SYN2: variants seen among roughly 807,000 people sequenced by gnomAD.
SYN2 encodes the protein synapsin II.
In SYN2, 19 loss-of-function variants were observed where a neutral mutation model predicts 50.9. That is an observed-to-expected ratio of 0.37 (90% CI 0.26 to 0.55). SYN2 has a LOEUF of 0.55. Ranked by LOEUF, SYN2 falls within the 20% of genes least tolerant of loss-of-function variation. SYN2 has a pLI of 0.81. For missense variants in SYN2, 587 were observed against 576.4 expected, an observed-to-expected ratio of 1.02 and a Z score of -0.19; for synonymous variants, 255 against 224.9, an observed-to-expected ratio of 1.13 and a Z score of -1.20.
intron 1 of SYN2, among the ~76,000 whole-genome samples, chr3:12,119,117 C>T (rs58313189): frequency 0.079 from 12,083 of 152,068 alleles, 589 homozygotes; most frequent in African/African-American, 0.13. Flanking sequence ...TCATTCCTGT[C>T]CTCACTATAT....
chr3:12,025,778 C>G (rs920598575), intron 1 of SYN2, among the ~76,000 whole-genome samples: 5 of 152,168 alleles, frequency 3.3e-5, no homozygotes, highest in Non-Finnish European at 7.3e-5. Flanking sequence ...CCAGGCACCT[C>G]CCCCTACCCT....
intron 1 of SYN2, among the ~76,000 whole-genome samples, chr3:12,136,848 A>ACT (rs756379171): frequency 3.9e-5 from 6 of 152,242 alleles, no homozygotes; most frequent in Admixed American, 2.0e-4. Flanking sequence ...CACAGGCACT[A>ACT]CAGATATTTT....
rs1404984086 is a variant in SYN2, at chr3:12,004,443, A to G, written c.-109A>G. On this transcript the variant is annotated 5_prime_UTR_variant, in exon 1 of 13. Transcript: ENST00000621198. Reference sequence around the variant, plus strand: ...GCCGGGGCCTGAGTCTCTGCTGGCTAAGCCGCCGCCTCAGCCGCCTCAGTC... The same window carrying G: ...GCCGGGGCCTGAGTCTCTGCTGGCTGAGCCGCCGCCTCAGCCGCCTCAGTC... 6.7e-6 allele frequency: 2 copies of G among 298,424 alleles called. No individual in the cohort carries two copies. Among genetic ancestry groups the G allele is most frequent in the Non-Finnish European group, 1.3e-5 (2 of 153,442 alleles). The allele number at this position is 298,424 out of a possible 1,614,324, so 18.5% of individuals were successfully genotyped here.
chr3:12,121,546 A>T (rs1482575020), intron 1 of SYN2, among the ~76,000 whole-genome samples: 2 of 151,982 alleles, frequency 1.3e-5, no homozygotes, highest in African/African-American at 4.8e-5. Flanking sequence ...TATTCATAGT[A>T]AATATATCAG....
chr3:12,092,816 G>A (rs181740004), intron 1 of SYN2, among the ~76,000 whole-genome samples: 2 of 152,282 alleles, frequency 1.3e-5, no homozygotes, highest in East Asian at 3.9e-4. Context: ...TGGAAGAAGG[G>A]CCTGTTGAGC....
At chr3:12,082,654 A>T (rs1695607398) in intron 1 of SYN2, among the ~76,000 whole-genome samples, 1 of 152,210 alleles carries the variant, frequency 6.6e-6, no homozygotes, top group Non-Finnish European at 1.5e-5. Context: ...GTTTTAGAGG[A>T]TGTATATCCA....
chr3:12,165,717 C>T (rs1233238954), intron 7 of SYN2: 1 of 152,212 alleles, frequency 6.6e-6, no homozygotes, highest in East Asian at 1.9e-4. Context: ...CTGCCCCTGC[C>T]TTGAGCAGTC....
intron 1 of SYN2, among the ~76,000 whole-genome samples, chr3:12,088,143 A>G (rs1695751151): frequency 6.6e-6 from 1 of 152,204 alleles, no homozygotes; most frequent in East Asian, 1.9e-4. Flanking sequence ...ATTGGGAGAA[A>G]ATATTTGCAA....
At chr3:12,096,680 A>C (rs757001660) in intron 1 of SYN2, among the ~76,000 whole-genome samples, 2 of 152,132 alleles carry the variant, frequency 1.3e-5, no homozygotes, top group Non-Finnish European at 2.9e-5. Context: ...TGTCTCCCCA[A>C]ATAAGGAGAG....
At chr3:12,039,054 C>G (rs1011713925) in intron 1 of SYN2, among the ~76,000 whole-genome samples, 1 of 152,006 alleles carries the variant, frequency 6.6e-6, no homozygotes, top group Non-Finnish European at 1.5e-5. Flanking sequence ...TATAGATGCT[C>G]TTTATTAGGT....
At chr3:12,146,425 A>T (rs1697151245) in intron 4 of SYN2, among the ~76,000 whole-genome samples, 1 of 152,256 alleles carries the variant, frequency 6.6e-6, no homozygotes, top group South Asian at 2.1e-4. Context: ...CATGATAGAG[A>T]TATGAAAATT....
intron 1 of SYN2, among the ~76,000 whole-genome samples, chr3:12,093,637 T>G (rs1209293535): frequency 1.3e-5 from 2 of 152,216 alleles, no homozygotes; most frequent in African/African-American, 2.4e-5. Flanking sequence ...TGGGAAAAAC[T>G]AAGCACCTTT....
In SYN2 at chr3:12,162,272, T is replaced by A. The variant is rs149438762; in HGVS notation, c.980+118T>A. 13 of 1,332,040 alleles carry A rather than the reference T, an allele frequency of 9.8e-6. No individual in the cohort carries two copies. The South Asian group carries it at 2.0e-4, about 21-fold the overall frequency. The allele number at this position is 1,332,040 out of a possible 1,614,324, so 82.5% of individuals were successfully genotyped here. ...CACTTAAGTCAGAGATTTTTTTACC[T>A]GGGTTCCTTTTAAGTCAGAGGAGGG... On this transcript the variant is annotated intron_variant, in intron 7 of 12. Transcript: ENST00000621198.
chr3:12,054,642 A>G (rs1694948358), intron 1 of SYN2, among the ~76,000 whole-genome samples: 2 of 147,868 alleles, frequency 1.4e-5, no homozygotes, highest in African/African-American at 2.5e-5. Flanking sequence ...ACAATTTGGT[A>G]TCTAGGATTA....
intron 10 of SYN2, among the ~76,000 whole-genome samples, chr3:12,178,129 G>A (rs905856473): frequency 3.3e-5 from 5 of 152,146 alleles, no homozygotes; most frequent in African/African-American, 1.2e-4. Flanking sequence ...TTCTCCCTGG[G>A]GTCCTAGACC....
chr3:12,039,718 T>G (rs1694573234), intron 1 of SYN2, among the ~76,000 whole-genome samples: 1 of 152,180 alleles, frequency 6.6e-6, no homozygotes, highest in Non-Finnish European at 1.5e-5. Context: ...ACAGAATTGG[T>G]CCTCTCATGG....
chr3:12,063,086 G>C (rs1020888181), intron 1 of SYN2, among the ~76,000 whole-genome samples: 5 of 151,586 alleles, frequency 3.3e-5, no homozygotes, highest in African/African-American at 1.2e-4. Context: ...GATGGGAGGG[G>C]AGGACTTAAA....
intron 1 of SYN2, chr3:12,070,224 A>C (rs1291487953): frequency 7.2e-6 from 3 of 414,646 alleles, no homozygotes; most frequent in Non-Finnish European, 1.4e-5. Flanking sequence ...CGCCTGTCAC[A>C]ATGGAAGAAG....
chr3:12,101,615 G>T (rs946262251), intron 1 of SYN2, among the ~76,000 whole-genome samples: 1 of 151,986 alleles, frequency 6.6e-6, no homozygotes, highest in African/African-American at 2.4e-5. Flanking sequence ...ATTTTAAAAA[G>T]GTTAATTTTA....
Sources: gnomAD v4.1 joint callset for allele counts (sites outside exome capture counted in the v4.1 genomes callset) on GRCh38, gnomAD v4.1.1 for gene constraint, MANE v1.5 for transcripts, NCBI Gene and HGNC (gene_info 2026-07-23, HGNC 2026-07-21) for gene names.